Variants in C12orf42 observed in about 807,000 individuals in gnomAD.
The protein encoded by C12orf42 is uncharacterized protein C12orf42.
A neutral mutation model predicts 21.6 loss-of-function variants in C12orf42; 25 were observed. The ratio of observed to expected loss-of-function variants is 1.16; its 90% CI spans 0.84 to 1.62. C12orf42 has a LOEUF of 1.62. C12orf42 is among the 40% of genes most tolerant of loss of function. The probability of loss-of-function intolerance (pLI) is 0.00; values close to 1 mark genes in which losing one functional copy is unlikely to be tolerated. For missense variants in C12orf42, 483 were observed against 459.3 expected (o/e 1.05, Z -0.47); for synonymous variants, 174 against 175.0 (o/e 0.99, Z 0.05).
At chr12:103,389,143 G>C (rs1372085109) in intron 3 of C12orf42, among the ~76,000 whole-genome samples, 2 of 152,164 alleles carry the variant, frequency 1.3e-5, no homozygotes, top group Admixed American at 1.3e-4. Flanking sequence ...AGAGAAACTG[G>C]TAAGGGAGGA....
the C12orf42 span, among the ~76,000 whole-genome samples, chr12:103,537,123 A>G: frequency 6.6e-6 from 1 of 152,090 alleles, no homozygotes; most frequent in Non-Finnish European, 1.5e-5. Flanking sequence ...TCTGAAGGGT[A>G]TGGTATTTCA....
chr12:103,305,177 G>A (rs2038149434), intron 5 of C12orf42, among the ~76,000 whole-genome samples: 1 of 152,182 alleles, frequency 6.6e-6, no homozygotes, highest in East Asian at 1.9e-4. Flanking sequence ...CATAGACCAT[G>A]AGTCGGACAA....
At chr12:103,226,817 G>A in the C12orf42 span, among the ~76,000 whole-genome samples, 2 of 152,182 alleles carry the variant, frequency 1.3e-5, no homozygotes, top group Non-Finnish European at 2.9e-5. Flanking sequence ...TTGGTACTGA[G>A]GGGACAGGCG....
chr12:103,353,189 G>A (rs548094383), intron 4 of C12orf42, among the ~76,000 whole-genome samples: 2 of 152,028 alleles, frequency 1.3e-5, no homozygotes, highest in East Asian at 3.9e-4. Flanking sequence ...ACTGAGAAAT[G>A]CAGAGAGCCT....
At chr12:103,427,175 A>C (rs1336877657) in intron 2 of C12orf42, among the ~76,000 whole-genome samples, 1 of 152,118 alleles carries the variant, frequency 6.6e-6, no homozygotes, top group African/African-American at 2.4e-5. Context: ...AACTGGATAA[A>C]GAGTCAAGAC....
chr12:103,523,935 TTCAC>T, the C12orf42 span, among the ~76,000 whole-genome samples: 1 of 152,110 alleles, frequency 6.6e-6, no homozygotes, highest in Non-Finnish European at 1.5e-5. Context: ...GTCGCCATCA[TTCAC>T]TCACTGAATA....
chr12:103,524,891 T>G, the C12orf42 span, among the ~76,000 whole-genome samples: 13 of 138,232 alleles, frequency 9.4e-5, no homozygotes, highest in African/African-American at 3.2e-4. Context: ...TATCTTCTCC[T>G]GACTCCAAGC....
At chr12:103,541,740 A>AT in the C12orf42 span, among the ~76,000 whole-genome samples, 18 of 151,870 alleles carry the variant, frequency 1.2e-4, no homozygotes, top group East Asian at 3.3e-3. Flanking sequence ...TGATTGTATT[A>AT]TTTTATCTCG....
intron 3 of C12orf42, among the ~76,000 whole-genome samples, chr12:103,369,355 A>C (rs1009387247): frequency 6.6e-6 from 1 of 152,082 alleles, no homozygotes. Flanking sequence ...GACAAAAAAA[A>C]ACAAATATAT....
intron 3 of C12orf42, among the ~76,000 whole-genome samples, chr12:103,401,254 T>A (rs975426320): frequency 8.5e-5 from 13 of 152,148 alleles, no homozygotes; most frequent in African/African-American, 3.1e-4. Flanking sequence ...TTTTTATGGA[T>A]GATGGTAAGA....
At chr12:103,075,357 TTG>T in the C12orf42 span, among the ~76,000 whole-genome samples, 1 of 152,180 alleles carries the variant, frequency 6.6e-6, no homozygotes, top group Non-Finnish European at 1.5e-5. Context: ...ATAATTAAGT[TTG>T]TTAGAATTCG....
intron 4 of C12orf42, among the ~76,000 whole-genome samples, chr12:103,327,730 G>A (rs1326238926): frequency 1.3e-5 from 2 of 152,288 alleles, no homozygotes; most frequent in South Asian, 2.1e-4. Flanking sequence ...CTATCTCTAG[G>A]AGTATGCAAG....
chr12:103,501,804 T>C, the C12orf42 span, among the ~76,000 whole-genome samples: 1 of 152,150 alleles, frequency 6.6e-6, no homozygotes, highest in Non-Finnish European at 1.5e-5. Flanking sequence ...GACCACATAC[T>C]GGAAGTCACA....
At chr12:103,462,096 G>GTTTTTTTTTTTTTTGTTTTTTTTTTTTT (rs1952754779) in intron 2 of C12orf42, among the ~76,000 whole-genome samples, 1 of 27,724 alleles carries the variant, frequency 3.6e-5, no homozygotes, top group Non-Finnish European at 6.6e-5. Flanking sequence ...TTTTTGCTTG[G>GTTTTTTTTTTTTTTGTTTTTTTTTTTTT]TTTTTTTTTT....
At chr12:103,198,372 C>T in the C12orf42 span, among the ~76,000 whole-genome samples, 1 of 152,154 alleles carries the variant, frequency 6.6e-6, no homozygotes, top group African/African-American at 2.4e-5. Flanking sequence ...CTCAGCCAGG[C>T]AGGAACCCTG....
At chr12:103,466,300 G>A (rs181849324) in intron 2 of C12orf42, among the ~76,000 whole-genome samples, 141 of 151,812 alleles carry the variant, frequency 9.3e-4, no homozygotes, top group Non-Finnish European at 1.5e-3. Context: ...AAGTCTTTTC[G>A]GAATATTCCC....
At chr12:103,250,059 C>CTATA (rs1443693442) in intron 10 of C12orf42, among the ~76,000 whole-genome samples, 1 of 24,426 alleles carries the variant, frequency 4.1e-5, no homozygotes, top group Non-Finnish European at 1.1e-4. Flanking sequence ...TCAAAGACAT[C>CTATA]TATCTATCTA....
chr12:103,147,623 CTTTT>C, the C12orf42 span, among the ~76,000 whole-genome samples: 9 of 99,314 alleles, frequency 9.1e-5, no homozygotes, highest in Admixed American at 7.6e-4. Flanking sequence ...TTCTCTCTCT[CTTTT>C]TTTTTTTTTT....
At chr12:103,434,597 AGG>A (rs911394204) in intron 2 of C12orf42, among the ~76,000 whole-genome samples, 1 of 152,192 alleles carries the variant, frequency 6.6e-6, no homozygotes, top group African/African-American at 2.4e-5. Flanking sequence ...GGGAAGCACA[AGG>A]GGTCAGGGAG....
Sources: gnomAD v4.1 joint callset for allele counts (sites outside exome capture counted in the v4.1 genomes callset) on GRCh38, gnomAD v4.1.1 for gene constraint, MANE v1.5 for transcripts, NCBI Gene and HGNC (gene_info 2026-07-23, HGNC 2026-07-21) for gene names.